The following EGF variants were observed in gnomAD, a reference collection of about 807,000 sequenced individuals.
The protein encoded by EGF is epidermal growth factor, also known as pro-epidermal growth factor.
In EGF, 95 loss-of-function variants were observed where a neutral mutation model predicts 143.8. The observed-to-expected ratio is 0.66, with a 90% CI of 0.56 to 0.78. The LOEUF is 0.78. Among genes scored for constraint, EGF ranks in the 30% least tolerant of loss-of-function variants. The probability of loss-of-function intolerance (pLI) is 0.00; values close to 1 mark genes in which losing one functional copy is unlikely to be tolerated. For missense variants in EGF, 1,320 were observed against 1,470.9 expected (o/e 0.90, Z 1.68); for synonymous variants, 510 against 510.5 (o/e 1.00, Z 0.01).
At chr4:109,987,679 A>AGATTAAAG (rs1285658436) in intron 16 of EGF, 65 bp from the exon 17 acceptor site, 1 of 1,329,766 alleles carries the variant, frequency 7.5e-7, no homozygotes, top group African/African-American at 1.5e-5. Context: ...TAGAACCAGA[A>AGATTAAAG]GATTAAAGTC....
intron 1 of EGF, among the ~76,000 whole-genome samples, chr4:109,926,128 AG>A (rs1292873182): frequency 1.3e-5 from 2 of 152,166 alleles, no homozygotes; most frequent in African/African-American, 4.8e-5. Flanking sequence ...CACAAGCAGG[AG>A]GATTGCTTGA....
At chr4:109,944,562 CTT>C (rs1220623675) in intron 4 of EGF, among the ~76,000 whole-genome samples, 1 of 152,204 alleles carries the variant, frequency 6.6e-6, no homozygotes, top group Non-Finnish European at 1.5e-5. Flanking sequence ...ATATCAGTCT[CTT>C]GGGATTATTG....
At chr4:109,994,933 C>A (rs1217295486) in intron 20 of EGF, 53 bp downstream of exon 20, 2 of 1,610,412 alleles carry the variant, frequency 1.2e-6, no homozygotes, top group African/African-American at 2.7e-5. Context: ...CAGTCCATAA[C>A]TTGTAGCTAA....
rs373026359 is a variant in EGF, at chr4:109,993,367, C to G, written c.2855C>G (p.Pro952Arg). The G allele has an allele frequency of 3.1e-6, 5 of 1,613,198 alleles. No individual in the cohort carries two copies. In the African/African-American group the frequency reaches 6.7e-5, roughly 22 times the overall value. The change falls in exon 19 of 24, where the codon CCT (proline) becomes CGT (arginine). Residue 952 changes from proline to arginine, a missense_variant and splice_region_variant. Around this residue, in one of 5 missense-constraint regions of EGF, gnomAD observed 1,186 missense variants for 1,313.7 expected, o/e 0.90. Transcript: ENST00000265171. Reference sequence around the variant, plus strand: ...CTGTCTGAACCAGGACTGATTTGCCCTGGTAGGTTGGTGGGTGGTCTACAG... The same window carrying G: ...CTGTCTGAACCAGGACTGATTTGCCGTGGTAGGTTGGTGGGTGGTCTACAG... The part of the protein sequence containing the change: ...GRLSEPGLIC[P>R]DSTPPPHLRE...
At chr4:109,949,986 T>TGATGATCTGACCAGTTTCC (rs998858453) in intron 5 of EGF, among the ~76,000 whole-genome samples, 2 of 152,186 alleles carry the variant, frequency 1.3e-5, no homozygotes, top group African/African-American at 4.8e-5. Flanking sequence ...GGCCATTTTC[T>TGATGATCTGACCAGTTTCC]GATGATCTGA....
At chr4:109,916,214 G>A (rs1736624244) in intron 1 of EGF, among the ~76,000 whole-genome samples, 1 of 152,094 alleles carries the variant, frequency 6.6e-6, no homozygotes, top group Non-Finnish European at 1.5e-5. Flanking sequence ...GCTAAGGCGT[G>A]GTCAGCATCC....
intron 7 of EGF, 72 bp downstream of exon 7, chr4:109,961,061 T>C: frequency 5.1e-6 from 8 of 1,564,036 alleles, no homozygotes; most frequent in Non-Finnish European, 6.1e-6. Flanking sequence ...GTGGCTATGA[T>C]CTGGGTTGGT....
At chr4:109,964,615 G>A (rs1746248858) in intron 10 of EGF, 78 bp downstream of exon 10, 2 of 1,592,596 alleles carry the variant, frequency 1.3e-6, no homozygotes, top group Non-Finnish European at 1.7e-6. Context: ...AAATGACCTG[G>A]CCTACTTGAA....
intron 7 of EGF, among the ~76,000 whole-genome samples, 174 bp downstream of exon 7, chr4:109,961,163 T>C (rs1006533429): frequency 4.0e-5 from 6 of 151,162 alleles, no homozygotes; most frequent in African/African-American, 1.5e-4. Flanking sequence ...CTGGGCAACA[T>C]GGTGAGACCC....
chr4:109,970,697 C>T (rs187591721), intron 11 of EGF, among the ~76,000 whole-genome samples: 9 of 151,780 alleles, frequency 5.9e-5, no homozygotes, highest in African/African-American at 1.9e-4. Context: ...GGGTGGTGGG[C>T]GCCTGTAGTC....
At chr4:109,927,111 A>G (rs1288253156) in intron 1 of EGF, among the ~76,000 whole-genome samples, 4 of 152,108 alleles carry the variant, frequency 2.6e-5, no homozygotes, top group Non-Finnish European at 5.9e-5. Context: ...CTAGAAAGAT[A>G]GAAATTTGCT....
chr4:109,981,413 A>G, intron 15 of EGF, among the ~76,000 whole-genome samples: 1 of 152,240 alleles, frequency 6.6e-6, no homozygotes, highest in East Asian at 1.9e-4. Context: ...AGGATATCAG[A>G]CAAATGTGGG....
intron 14 of EGF, 142 bp from the exon 15 acceptor site, chr4:109,980,684 C>T (rs985560128): frequency 3.1e-5 from 28 of 895,096 alleles, no homozygotes; most frequent in Non-Finnish European, 4.7e-5. Context: ...TCTGAAATAG[C>T]TATTGATATA....
At chr4:109,942,012 CT>C (rs1320413438) in intron 2 of EGF, among the ~76,000 whole-genome samples, 1 of 152,170 alleles carries the variant, frequency 6.6e-6, no homozygotes, top group Non-Finnish European at 1.5e-5. Flanking sequence ...AAATATTTCT[CT>C]TTCCAGTTAT....
intron 13 of EGF, among the ~76,000 whole-genome samples, chr4:109,977,699 A>G (rs191599764): frequency 7.1e-4 from 108 of 152,240 alleles, no homozygotes; most frequent in Non-Finnish European, 1.2e-3. Flanking sequence ...TTAGCTGGGC[A>G]TGGTGGTGAG....
intron 1 of EGF, among the ~76,000 whole-genome samples, chr4:109,930,721 TCA>T (rs1486306430): frequency 8.5e-5 from 13 of 152,338 alleles, no homozygotes; most frequent in South Asian, 4.1e-4. Flanking sequence ...TCCCTCAGAC[TCA>T]CAGAGGATGA....
chr4:109,975,427 A>G (rs1220208858), intron 12 of EGF, among the ~76,000 whole-genome samples: 1 of 152,244 alleles, frequency 6.6e-6, no homozygotes, highest in Admixed American at 6.5e-5. Context: ...CCAAATGATT[A>G]AAACTGTGAG....
intron 21 of EGF, 78 bp from the exon 22 acceptor site, chr4:110,004,427 G>C: frequency 1.6e-6 from 2 of 1,225,378 alleles, no homozygotes; most frequent in South Asian, 2.4e-5. Flanking sequence ...AAAGCAGTTA[G>C]TTGTCCCTGA....
intron 1 of EGF, among the ~76,000 whole-genome samples, chr4:109,935,806 G>A (rs935560280): frequency 3.4e-4 from 51 of 152,174 alleles, no homozygotes; most frequent in African/African-American, 1.2e-3. Context: ...AGATAATCGT[G>A]TGGTTTTTGT....
Sources: allele counts gnomAD v4.1 joint callset (sites outside exome capture counted in the v4.1 genomes callset), GRCh38; gene constraint gnomAD v4.1.1; regional missense constraint gnomAD v4.1.1; transcripts MANE v1.5; gene names NCBI Gene and HGNC (gene_info 2026-07-23, HGNC 2026-07-21).